Variants in CERS6 observed in about 807,000 individuals in gnomAD.
CERS6 encodes LAG1 homolog, ceramide synthase 6.
In CERS6, 26 loss-of-function variants were observed where a neutral mutation model predicts 56.8. That is an observed-to-expected ratio of 0.46 (90% CI 0.34 to 0.63). The LOEUF is 0.63. Ranked by LOEUF, CERS6 falls within the 30% of genes least tolerant of loss-of-function variation. The pLI is 0.01. For missense variants in CERS6, 415 were observed against 467.5 expected (o/e 0.89, Z 1.04); for synonymous variants, 164 against 173.3 (o/e 0.95, Z 0.42).
chr2:168,769,673 C>T lies in CERS6; in HGVS notation c.*11C>T. Reference sequence around the variant, plus strand: ...TCCATGGATGATTAATTACTCAAAACTACAAGTCCCAAGCAAAGTGAACTA... The same window carrying T: ...TCCATGGATGATTAATTACTCAAAATTACAAGTCCCAAGCAAAGTGAACTA... On this transcript the variant is annotated 3_prime_UTR_variant, in exon 10 of 10. Coordinates refer to ENST00000305747, the MANE Select transcript of CERS6 (RefSeq NM_203463.3). 6.2e-7 allele frequency: 1 copy of T among 1,609,520 alleles called. No homozygotes were observed. Among genetic ancestry groups the T allele is most frequent in the Non-Finnish European group, 8.5e-7 (1 of 1,178,478 alleles).
At chr2:168,489,416 C>CT (rs924713060) in intron 1 of CERS6, among the ~76,000 whole-genome samples, 1 of 147,628 alleles carries the variant, frequency 6.8e-6, no homozygotes, top group Non-Finnish European at 1.5e-5. Flanking sequence ...AAATTTGTGT[C>CT]TTTTAATGAG....
At chr2:168,670,044 A>AG (rs1685869068) in intron 4 of CERS6, among the ~76,000 whole-genome samples, 1 of 152,190 alleles carries the variant, frequency 6.6e-6, no homozygotes, top group African/African-American at 2.4e-5. Flanking sequence ...TCTGTTATCA[A>AG]AACATGTTGC....
At chr2:168,505,605 A>G (rs1694663405) in intron 1 of CERS6, among the ~76,000 whole-genome samples, 1 of 152,104 alleles carries the variant, frequency 6.6e-6, no homozygotes, top group Non-Finnish European at 1.5e-5. Flanking sequence ...ATGGGGATGT[A>G]TAAAAGAGTT....
intron 1 of CERS6, among the ~76,000 whole-genome samples, chr2:168,509,062 C>T (rs951586374): frequency 1.3e-5 from 2 of 152,082 alleles, no homozygotes; most frequent in African/African-American, 4.8e-5. Flanking sequence ...TTTGTGTACT[C>T]ATACTGGCTA....
Position 168,553,882 on chromosome 2 carries a change from T to C in CERS6, c.276+6181T>C, listed in dbSNP as rs182349069. 2.4e-3 allele frequency among the ~76,000 whole-genome samples: 373 copies of C among 152,290 alleles called. 2 individuals carry two copies. Among genetic ancestry groups the C allele is most frequent in the African/African-American group, 7.7e-3 (322 of 41,562 alleles). On this transcript the variant is annotated intron_variant, in intron 2 of 9. Transcript: ENST00000305747. Reference sequence around the variant, plus strand: ...GGAAGAAGGTGGGAGGCAGAATCAGTTCACTGATTGCATGATCTCTAAGAG... The same window carrying C: ...GGAAGAAGGTGGGAGGCAGAATCAGCTCACTGATTGCATGATCTCTAAGAG...
rs1228009195 is a variant in CERS6 at position 168,487,030 on chromosome 2, C to T, written c.170+30412C>T. Reference sequence around the variant, plus strand: ...GGTGAGGGGTGCTATATTGATAAAGCACTTTTTGTCTGTCTGTTGCCTCAT... The same window carrying T: ...GGTGAGGGGTGCTATATTGATAAAGTACTTTTTGTCTGTCTGTTGCCTCAT... On this transcript the variant is annotated intron_variant, in intron 1 of 9. Coordinates refer to ENST00000305747, the MANE Select transcript of CERS6 (RefSeq NM_203463.3). Among the ~76,000 whole-genome samples, 6 of 151,998 alleles carry T rather than the reference C, an allele frequency of 3.9e-5. No homozygotes were observed. In the East Asian group the frequency reaches 1.2e-3, roughly 29 times the overall value.
At chr2:168,547,758 T>C in intron 2 of CERS6, 57 bp downstream of exon 2, 2 of 1,196,762 alleles carry the variant, frequency 1.7e-6, no homozygotes, top group Admixed American at 3.4e-5. Flanking sequence ...CTCAGCCTGC[T>C]GTCATTCAAT....
intron 8 of CERS6, among the ~76,000 whole-genome samples, chr2:168,728,850 AC>A (rs759733977): frequency 6.6e-6 from 1 of 151,448 alleles, no homozygotes; most frequent in Non-Finnish European, 1.5e-5. Context: ...TACTAAAAAT[AC>A]AAAAAATAGC....
intron 1 of CERS6, among the ~76,000 whole-genome samples, chr2:168,492,282 T>A (rs886229434): frequency 1.3e-5 from 2 of 152,210 alleles, no homozygotes; most frequent in African/African-American, 4.8e-5. Flanking sequence ...CCAGCATCTG[T>A]CGTTTCCTGA....
chr2:168,537,947 C>G (rs1278846244), intron 1 of CERS6, among the ~76,000 whole-genome samples: 1 of 152,186 alleles, frequency 6.6e-6, no homozygotes, highest in African/African-American at 2.4e-5. Context: ...GTTGTTACCT[C>G]TTATTCCTCT....
chr2:168,625,780 C>T (rs1684577113), intron 3 of CERS6, among the ~76,000 whole-genome samples: 1 of 152,130 alleles, frequency 6.6e-6, no homozygotes, highest in Non-Finnish European at 1.5e-5. Flanking sequence ...GAGAAAAACC[C>T]TCTGGGTAAT....
intron 9 of CERS6, among the ~76,000 whole-genome samples, chr2:168,767,293 T>G (rs896335482): frequency 1.2e-4 from 18 of 152,220 alleles, no homozygotes; most frequent in Admixed American, 1.2e-3. Context: ...TCTGGGCTAT[T>G]TTGAGATATT....
chr2:168,532,054 C>CT (rs781047292), intron 1 of CERS6, among the ~76,000 whole-genome samples: 1 of 152,178 alleles, frequency 6.6e-6, no homozygotes, highest in African/African-American at 2.4e-5. Context: ...TTCCAACAAT[C>CT]TAGGCTCAGA....
chr2:168,541,533 G>A (rs1207623842), intron 1 of CERS6, among the ~76,000 whole-genome samples: 1 of 149,646 alleles, frequency 6.7e-6, no homozygotes, highest in Non-Finnish European at 1.5e-5. Flanking sequence ...TCCTTTGCAT[G>A]TCTTTTCTCC....
At chr2:168,729,590 G>A (rs952708702) in intron 8 of CERS6, among the ~76,000 whole-genome samples, 1 of 152,174 alleles carries the variant, frequency 6.6e-6, no homozygotes, top group African/African-American at 2.4e-5. Flanking sequence ...AACCTTCCCT[G>A]CAGAATCCCA....
chr2:168,469,623 G>A (rs1040180915), intron 1 of CERS6, among the ~76,000 whole-genome samples: 10 of 152,078 alleles, frequency 6.6e-5, no homozygotes, highest in Admixed American at 5.9e-4. Context: ...TTGGGTACAC[G>A]CAGTAAGGTG....
intron 8 of CERS6, among the ~76,000 whole-genome samples, chr2:168,742,848 TG>T (rs1016982559): frequency 6.6e-6 from 1 of 152,078 alleles, no homozygotes; most frequent in African/African-American, 2.4e-5. Flanking sequence ...CTAATTGCAG[TG>T]GGGGGTCATT....
chr2:168,519,248 A>G (rs1235442342), intron 1 of CERS6, among the ~76,000 whole-genome samples: 1 of 152,146 alleles, frequency 6.6e-6, no homozygotes, highest in Non-Finnish European at 1.5e-5. Context: ...CATAAATTAT[A>G]TTGGTTCTTG....
At chr2:168,730,049 C>A (rs548176785) in intron 8 of CERS6, among the ~76,000 whole-genome samples, 1 of 152,292 alleles carries the variant, frequency 6.6e-6, no homozygotes, top group South Asian at 2.1e-4. Flanking sequence ...GGCACAATGA[C>A]GACTGAGACT....
Sources: gnomAD v4.1 joint callset for allele counts (sites outside exome capture counted in the v4.1 genomes callset) on GRCh38, gnomAD v4.1.1 for gene constraint, MANE v1.5 for transcripts, NCBI Gene and HGNC (gene_info 2026-07-23, HGNC 2026-07-21) for gene names.